ABCA13: variants seen among roughly 807,000 people sequenced by gnomAD.
The protein encoded by ABCA13 is ATP-binding cassette sub-family A member 13.
A neutral mutation model predicts 478.7 loss-of-function variants in ABCA13; 476 were observed. That is an observed-to-expected ratio of 0.99 (90% CI 0.92 to 1.07). ABCA13 has a LOEUF of 1.07. Among genes scored for constraint, ABCA13 ranks in the 50% least tolerant of loss-of-function variants. The probability of loss-of-function intolerance (pLI) is 0.00; values close to 1 mark genes in which losing one functional copy is unlikely to be tolerated. For synonymous variants in ABCA13, 2,252 were observed against 2,158.9 expected, an observed-to-expected ratio of 1.04 and a Z score of -1.20; for missense variants, 6,060 against 5,910.6, an observed-to-expected ratio of 1.03 and a Z score of -0.83.
intron 59 of ABCA13, among the ~76,000 whole-genome samples, chr7:48,622,737 A>C (rs1335690298): frequency 6.6e-6 from 1 of 152,222 alleles, no homozygotes; most frequent in Non-Finnish European, 1.5e-5. Context: ...ATTCTTATAT[A>C]GTGCTTACTG....
chr7:48,469,277 G>A (rs1336090783), intron 44 of ABCA13, among the ~76,000 whole-genome samples: 1 of 152,306 alleles, frequency 6.6e-6, no homozygotes, highest in Middle Eastern at 3.4e-3. Flanking sequence ...TAGCCAAAAG[G>A]TGGGATCTTC....
At chr7:48,294,328 C>A (rs946753284) in intron 20 of ABCA13, among the ~76,000 whole-genome samples, 1 of 151,680 alleles carries the variant, frequency 6.6e-6, no homozygotes. Context: ...TAGATGTGTT[C>A]ATTCTACATA....
At chr7:48,483,313 G>A in intron 47 of ABCA13, 150 bp downstream of exon 47, 1 of 678,902 alleles carries the variant, frequency 1.5e-6, no homozygotes. Context: ...TGTAAACATT[G>A]TCTTGAAAAA....
At chr7:48,411,054 T>TTTCC (rs1563209070) in intron 40 of ABCA13, among the ~76,000 whole-genome samples, 1 of 131,496 alleles carries the variant, frequency 7.6e-6, no homozygotes, top group Non-Finnish European at 1.7e-5. Flanking sequence ...TTTCTTTTTC[T>TTTCC]TTCTTTCTTT....
chr7:48,298,162 C>T (rs1358737339), intron 22 of ABCA13, among the ~76,000 whole-genome samples: 1 of 152,084 alleles, frequency 6.6e-6, no homozygotes, highest in Admixed American at 6.5e-5. Context: ...GAAAATACCA[C>T]AGAACCTGGC....
intron 27 of ABCA13, among the ~76,000 whole-genome samples, chr7:48,323,561 T>G (rs1294889140): frequency 6.6e-6 from 1 of 152,216 alleles, no homozygotes; most frequent in Non-Finnish European, 1.5e-5. Flanking sequence ...GCCAGGCACC[T>G]TATGTGGATT....
intron 48 of ABCA13, among the ~76,000 whole-genome samples, chr7:48,494,006 A>G (rs1475032630): frequency 6.6e-6 from 1 of 152,202 alleles, no homozygotes; most frequent in African/African-American, 2.4e-5. Context: ...AAGGAACCTG[A>G]TGGATACCTG....
rs769329816 is a variant in ABCA13, at chr7:48,239,391, C to T, written c.1048C>T (p.Arg350Ter). 38 of 1,612,678 alleles carry T rather than the reference C, an allele frequency of 2.4e-5. No individual in the cohort carries two copies. The highest frequency in any genetic ancestry group is 1.7e-4 in the African/African-American group (13 of 74,908). Reference sequence around the variant, plus strand: ...TCTTGTCCATGCAGTCAGCTGGCTGCGAGTCTACCAACAGGTGCTGTCCCC... The same window carrying T: ...TCTTGTCCATGCAGTCAGCTGGCTGTGAGTCTACCAACAGGTGCTGTCCCC... ...NYLVHAVSWLRVYQQVFVQWQ... is the reference protein window; with the variant it reads ...NYLVHAVSWL The change falls in exon 9 of 62, where the codon CGA becomes TGA. Residue 350 changes from arginine to a stop codon, truncating the protein, a stop_gained. Transcript: ENST00000435803. LOFTEE classifies it high-confidence loss of function.
At chr7:48,546,375 A>C (rs1351457761) in intron 55 of ABCA13, among the ~76,000 whole-genome samples, 3 of 151,768 alleles carry the variant, frequency 2.0e-5, no homozygotes. Context: ...CAAGAATATA[A>C]ACAGAATCCA....
chr7:48,340,550 G>A (rs527621343), intron 29 of ABCA13, among the ~76,000 whole-genome samples: 32 of 152,166 alleles, frequency 2.1e-4, no homozygotes, highest in Non-Finnish European at 2.6e-4. Flanking sequence ...TAAAAGCCTC[G>A]GAGTTCTTTT....
chr7:48,235,945 A>G (rs1339197013), intron 8 of ABCA13, among the ~76,000 whole-genome samples: 3 of 152,168 alleles, frequency 2.0e-5, no homozygotes, highest in Non-Finnish European at 4.4e-5. Context: ...AGGCTAATGT[A>G]TGTGTTCTGA....
intron 29 of ABCA13, among the ~76,000 whole-genome samples, chr7:48,350,035 T>C: frequency 6.6e-6 from 1 of 152,250 alleles, no homozygotes; most frequent in East Asian, 1.9e-4. Context: ...CTCAGCCTTT[T>C]GCCCTGAAAA....
intron 40 of ABCA13, among the ~76,000 whole-genome samples, chr7:48,411,576 G>A (rs1011193915): frequency 2.6e-5 from 4 of 152,124 alleles, no homozygotes; most frequent in African/African-American, 4.8e-5. Flanking sequence ...CCAAAGTGTT[G>A]GGATTACAGG....
At chr7:48,484,210 T>G (rs1027781461) in intron 47 of ABCA13, among the ~76,000 whole-genome samples, 1 of 152,216 alleles carries the variant, frequency 6.6e-6, no homozygotes, top group African/African-American at 2.4e-5. Flanking sequence ...TACTTCACAA[T>G]GTAATCCCTA....
In ABCA13 at chr7:48,274,721, T is replaced by C. The variant is rs894924707; in HGVS notation, c.5055T>C (p.Val1685=). 7 of 1,613,892 alleles carry C rather than the reference T, an allele frequency of 4.3e-6. No individual in the cohort carries two copies. The African/African-American group carries it at 6.7e-5, about 15-fold the overall frequency. The change falls in exon 17 of 62, where the codon GTT becomes GTC. Residue 1685 remains valine (V), a synonymous_variant. Coordinates refer to ENST00000435803, the MANE Select transcript of ABCA13 (RefSeq NM_152701.5). Reference sequence around the variant, plus strand: ...TTTTAGTGGATCAGCTTGAACAAGTTAGTGTAAACCTAATGGATTTCTTTA... The same window carrying C: ...TTTTAGTGGATCAGCTTGAACAAGTCAGTGTAAACCTAATGGATTTCTTTA... ...IDLLVDQLEQ[V]SVNLMDFFKN...
chr7:48,508,536 A>G (rs1004719712), intron 50 of ABCA13, among the ~76,000 whole-genome samples: 1 of 152,168 alleles, frequency 6.6e-6, no homozygotes, highest in Admixed American at 6.5e-5. Context: ...CCTGGGGGAC[A>G]ATAACAGATG....
intron 23 of ABCA13, among the ~76,000 whole-genome samples, chr7:48,305,848 C>G (rs1385396987): frequency 6.6e-6 from 1 of 152,196 alleles, no homozygotes; most frequent in Non-Finnish European, 1.5e-5. Context: ...GGATCCTAAG[C>G]CCCCTTACAG....
chr7:48,207,876 C>T (rs920542781), intron 3 of ABCA13, among the ~76,000 whole-genome samples: 1 of 152,054 alleles, frequency 6.6e-6, no homozygotes, highest in African/African-American at 2.4e-5. Context: ...AAATCTTTGC[C>T]CAGACCTATG....
chr7:48,298,368 G>A lies in ABCA13; in HGVS notation c.9202G>A (p.Val3068Ile). ...TTCTTATTTTCCTTACTTTGCAGAT[G>A]TAAAAATAAAAGATTTGATGAAGAA... ...FLSNFTVTED[V>I]KIKDLMKNIT... is the part of the protein sequence containing the mutation. The change falls in exon 23 of 62, where the codon GTA becomes ATA. Residue 3068 changes from valine (V) to isoleucine (I), a missense_variant and splice_region_variant. This residue lies in a region of ABCA13 where 4,423 missense variants were observed against 4,309.1 expected (regional missense o/e 1.03). Transcript: ENST00000435803. 1 of 1,605,778 alleles carries A rather than the reference G, an allele frequency of 6.2e-7. No individual in the cohort carries two copies. Among genetic ancestry groups the A allele is most frequent in the Non-Finnish European group, 8.5e-7 (1 of 1,176,890 alleles).
Sources: gnomAD v4.1 joint callset for allele counts (sites outside exome capture counted in the v4.1 genomes callset) on GRCh38, gnomAD v4.1.1 for gene constraint, gnomAD v4.1.1 regional missense constraint, MANE v1.5 for transcripts, NCBI Gene and HGNC (gene_info 2026-07-23, HGNC 2026-07-21) for gene names.